Variants in ATP2A1 observed in about 807,000 individuals in gnomAD.
ATP2A1 encodes the protein ATPase sarcoplasmic/endoplasmic reticulum Ca2+ transporting 1, also known as sarcoplasmic/endoplasmic reticulum calcium ATPase 1.
ATP2A1 carries 83 observed loss-of-function variants against 109.5 expected under a neutral mutation model. That is an observed-to-expected ratio of 0.76 (90% CI 0.63 to 0.91). ATP2A1 has a LOEUF of 0.91. ATP2A1 is among the 40% of genes least tolerant of loss of function. The pLI, the probability that ATP2A1 is intolerant of heterozygous loss-of-function variation, is 0.00. For synonymous variants in ATP2A1, 505 were observed against 537.6 expected, an observed-to-expected ratio of 0.94 and a Z score of 0.84; for missense variants, 1,101 against 1,341.0, an observed-to-expected ratio of 0.82 and a Z score of 2.80.
At chr16:28,881,905 T>G (rs1596663578) in intron 4 of ATP2A1, among the ~76,000 whole-genome samples, 2 of 152,146 alleles carry the variant, frequency 1.3e-5, no homozygotes, top group South Asian at 4.2e-4. Context: ...GGACAGCATC[T>G]GCAGGGCAGC....
At chr16:28,890,287 T>C in intron 9 of ATP2A1, among the ~76,000 whole-genome samples, 1 of 130,792 alleles carries the variant, frequency 7.6e-6, no homozygotes, top group African/African-American at 3.0e-5. Flanking sequence ...AGAGTCCGTC[T>C]CTACCAAAAA....
Position 28,894,508 on chromosome 16 carries a change from G to A in ATP2A1, c.1188G>A (p.Leu396=). 6.2e-7 allele frequency: 1 copy of A among 1,613,816 alleles called. No homozygotes were observed. Among genetic ancestry groups the A allele is most frequent in the Non-Finnish European group, 8.5e-7 (1 of 1,179,962 alleles). ...CCTCCCCTGACCCTGCTGCCAGCTT[G>A]AAGAATGATAAGCCAGTCCGGCCAG... ...GSTYAPEGEV[L]KNDKPVRPGQ... Residue 396 remains leucine, a synonymous_variant, in exon 11 of 23, where the codon TTG becomes TTA. Coordinates refer to ENST00000395503, the MANE Select transcript of ATP2A1 (RefSeq NM_004320.6).
At position 28,898,164 on chromosome 16, in the gene ATP2A1, T is replaced by C. The variant is rs1963969878; in HGVS notation, c.1545+39T>C. ...ATGTGCCTCAGCCCCCTCTTCTTCC[T>C]ACTCCTAGCCACCTGTCACTGCCCT... On this transcript the variant is annotated intron_variant, in intron 13 of 22. Transcript: ENST00000395503. This position sits in a 1 kb window ranked among gnomAD's most constrained non-coding sequence, Gnocchi z 4.0. 2 of 1,614,064 alleles carry C rather than the reference T, an allele frequency of 1.2e-6. No homozygotes were observed. Among genetic ancestry groups the C allele is most frequent in the Admixed American group, 3.3e-5 (2 of 59,992 alleles).
chr16:28,880,171 C>CA lies in ATP2A1; in HGVS notation c.219+589dup. On this transcript the variant is annotated intron_variant, in intron 3 of 22. Transcript: ENST00000395503. This position sits in a 1 kb window ranked among gnomAD's most constrained non-coding sequence, Gnocchi z 4.2. ...CTTCCCCGCGCTCCCTAGGCACCCC[C>CA]ACCCCCGCAGGGCATCTCCAGGGCT... 1 of 984,016 alleles carries CA rather than the reference C, an allele frequency of 1.0e-6. No individual in the cohort carries two copies. The highest frequency in any genetic ancestry group is 1.1e-4 in the East Asian group (1 of 8,860). The allele number at this position is 984,016 out of a possible 1,614,324, so 61.0% of individuals were successfully genotyped here.
chr16:28,878,962 A>G, intron 1 of ATP2A1, 137 bp from the exon 2 acceptor site: 1 of 1,377,616 alleles, frequency 7.3e-7, no homozygotes, highest in African/African-American at 1.4e-5. Flanking sequence ...CGAGATCCAG[A>G]GTTTTGGGAG....
intron 12 of ATP2A1, 134 bp from the exon 13 acceptor site, chr16:28,897,866 G>A (rs936887649): frequency 1.2e-5 from 14 of 1,203,964 alleles, no homozygotes; most frequent in Non-Finnish European, 1.3e-5. Flanking sequence ...CACTAGCCTT[G>A]GGATTTTCTC....
Position 28,900,298 on chromosome 16 carries a change from TA to T in ATP2A1, c.1765-282del, listed in dbSNP as rs761930088. Among the ~76,000 whole-genome samples, 15 of 149,956 alleles carry T rather than the reference TA, an allele frequency of 1.0e-4. 1 individual carries two copies. In the East Asian group the frequency reaches 2.5e-3, roughly 25 times the overall value. ...CACTCCAGCCTGGGTGACAGAGCAA[TA>T]CCCTGTCTCAAAAAAAAAAAGATAC... On this transcript the variant is annotated intron_variant, in intron 14 of 22. Coordinates refer to ENST00000395503, the MANE Select transcript of ATP2A1 (RefSeq NM_004320.6).
chr16:28,901,808 T>A, intron 15 of ATP2A1, 55 bp from the exon 16 acceptor site: 1 of 1,485,696 alleles, frequency 6.7e-7, no homozygotes, highest in East Asian at 2.4e-5. Flanking sequence ...AAACCTTTTT[T>A]AAAAAGGAGG....
Position 28,888,908 on chromosome 16 carries a change from C to A in ATP2A1, c.1050C>A (p.Ser350=). The A allele has an allele frequency of 6.2e-7, 1 of 1,614,142 alleles. No homozygotes were observed. The highest frequency in any genetic ancestry group is 8.5e-7 in the Non-Finnish European group (1 of 1,180,022). Residue 350 remains serine, a synonymous_variant, in exon 9 of 23, where the codon TCC becomes TCA. Coordinates refer to ENST00000395503, the MANE Select transcript of ATP2A1 (RefSeq NM_004320.6). The part of the protein sequence containing the change: ...ETLGCTSVIC[S]DKTGTLTTNQ... ...TGGGCTGCACCTCTGTCATCTGTTC[C>A]GACAAGACAGGCACCCTCACCACCA... is the stretch of plus-strand genomic sequence containing the variant.
In ATP2A1 at chr16:28,902,380, A is replaced by G. The variant is rs750155383; in HGVS notation, c.2518A>G (p.Ile840Val). 16 of 1,613,790 alleles carry G rather than the reference A, an allele frequency of 9.9e-6. No individual in the cohort carries two copies. The Admixed American group carries it at 1.2e-4, about 12-fold the overall frequency. The change falls in exon 17 of 23, where the codon ATC (isoleucine) becomes GTC (valine). Residue 840 changes from isoleucine (I) to valine (V), a missense_variant. Physicochemically the swap from Ile to Val is conservative, Grantham distance 29 (BLOSUM62 3). Transcript: ENST00000395503. The surrounding 1 kb of genome is among the most constrained non-coding windows in gnomAD (Gnocchi z 4.8). ...CTGGCTCTTCTTCCGCTACATGGCA[A>G]TCGGGGGTGAGCTGGAGGGGTTCCT... Reference protein sequence around the residue: ...SGWLFFRYMAIGGYVGAATVG... With the variant: ...SGWLFFRYMAVGGYVGAATVG...
rs767250851 is a variant in ATP2A1 at position 28,898,061 on chromosome 16, T to C, written c.1481T>C (p.Met494Thr). The change falls in exon 13 of 23, where the codon ATG becomes ACG. Residue 494 changes from methionine to threonine, a missense_variant. Met to Thr is a moderately conservative substitution (Grantham distance 81). Transcript: ENST00000395503. The surrounding 1 kb of genome is among the most constrained non-coding windows in gnomAD (Gnocchi z 4.0). ...GAGTTCTCCCGAGACAGAAAGTCCATGTCTGTCTATTGCTCCCCAGCCAAA... is the reference window on the plus strand; with the variant it reads ...GAGTTCTCCCGAGACAGAAAGTCCACGTCTGTCTATTGCTCCCCAGCCAAA... ...TLEFSRDRKS[M>T]SVYCSPAKSS... 22 of 1,614,128 alleles carry C rather than the reference T, an allele frequency of 1.4e-5. No individual in the cohort carries two copies. The highest frequency in any genetic ancestry group is 1.8e-5 in the Non-Finnish European group (21 of 1,179,998).
intron 9 of ATP2A1, chr16:28,892,374 A>G (rs929485914): frequency 5.1e-6 from 2 of 394,220 alleles, no homozygotes; most frequent in Non-Finnish European, 1.0e-5. Context: ...GTGGAAGACT[A>G]CACCCATGAA....
In ATP2A1 at chr16:28,898,103, T is replaced by A. The variant is rs747544959; in HGVS notation, c.1523T>A (p.Val508Glu). 2.5e-6 allele frequency: 4 copies of A among 1,614,158 alleles called. No homozygotes were observed. The East Asian group carries it at 8.9e-5, about 36-fold the overall frequency. ...CSPAKSSRAA[V>E]GNKMFVKGAP... ...CCAGCCAAATCTTCCCGGGCTGCTGTGGGCAACAAGATGTTTGTCAAGGTC... is the reference window on the plus strand; with the variant it reads ...CCAGCCAAATCTTCCCGGGCTGCTGAGGGCAACAAGATGTTTGTCAAGGTC... The change falls in exon 13 of 23, where the codon GTG becomes GAG. Residue 508 changes from valine to glutamate, a missense_variant. Val to Glu is a moderately radical substitution (Grantham distance 121). Transcript: ENST00000395503. The surrounding 1 kb of genome is among the most constrained non-coding windows in gnomAD (Gnocchi z 4.0).
chr16:28,884,185 C>G (rs1271683299), intron 5 of ATP2A1, among the ~76,000 whole-genome samples: 1 of 152,158 alleles, frequency 6.6e-6, no homozygotes, highest in African/African-American at 2.4e-5. Context: ...TCAATTATAG[C>G]TTCTTGTCCT....
Position 28,894,605 on chromosome 16 carries a change from G to A in ATP2A1, c.1285G>A (p.Glu429Lys), listed in dbSNP as rs762220295. Residue 429 changes from glutamate (E) to lysine (K), a missense_variant and splice_region_variant, in exon 11 of 23, where the codon GAG becomes AAG. Transcript: ENST00000395503. ...CAATGACTCCTCCTTGGACTTCAACGAGGTAACCTCTCCTTCCCCTTCCAG... is the reference window on the plus strand; with the variant it reads ...CAATGACTCCTCCTTGGACTTCAACAAGGTAACCTCTCCTTCCCCTTCCAG... Reference protein sequence around the residue: ...LCNDSSLDFNEAKGVYEKVGE... With the variant: ...LCNDSSLDFNKAKGVYEKVGE... 28 of 1,614,000 alleles carry A rather than the reference G, an allele frequency of 1.7e-5. No homozygotes were observed. The highest frequency in any genetic ancestry group is 1.6e-4 in the Middle Eastern group (1 of 6,062).
Position 28,904,425 on chromosome 16 carries a change from C to G in ATP2A1, c.*283C>G. Reference sequence around the variant, plus strand: ...TGCAGGGACAAGGCGACCGACTGCGCTGAGCTGCTTATTTATTGAAAATAA... The same window carrying G: ...TGCAGGGACAAGGCGACCGACTGCGGTGAGCTGCTTATTTATTGAAAATAA... On this transcript the variant is annotated 3_prime_UTR_variant, in exon 23 of 23. Coordinates refer to ENST00000395503, the MANE Select transcript of ATP2A1 (RefSeq NM_004320.6). The G allele has an allele frequency of 6.5e-7, 1 of 1,532,880 alleles. No homozygotes were observed. The highest frequency in any genetic ancestry group is 8.7e-7 in the Non-Finnish European group (1 of 1,145,074). The allele number at this position is 1,532,880 out of a possible 1,614,324, so 95.0% of individuals were successfully genotyped here. A position where few individuals can be genotyped will look rare whatever the true frequency, so the allele number is the denominator to read the frequency against.
rs540093642 is a variant in ATP2A1, at chr16:28,883,036, C to G, written c.463+447C>G. 6.6e-6 allele frequency among the ~76,000 whole-genome samples: 1 copy of G among 152,136 alleles called. No homozygotes were observed. The highest frequency in any genetic ancestry group is 2.4e-5 in the African/African-American group (1 of 41,420). On this transcript the variant is annotated intron_variant, in intron 5 of 22. Coordinates refer to ENST00000395503, the MANE Select transcript of ATP2A1 (RefSeq NM_004320.6). The surrounding 1 kb of genome is among the most constrained non-coding windows in gnomAD (Gnocchi z 5.2). ...GAAGGGAGGAGGGAGGCCGAAGGCTCGAGCCCCCGACCATGTAAGGGAAAC... is the reference window on the plus strand; with the variant it reads ...GAAGGGAGGAGGGAGGCCGAAGGCTGGAGCCCCCGACCATGTAAGGGAAAC...
intron 9 of ATP2A1, 103 bp from the exon 10 acceptor site, chr16:28,894,052 G>A (rs1159263002): frequency 8.6e-6 from 8 of 932,678 alleles, no homozygotes; most frequent in Non-Finnish European, 1.4e-5. Context: ...GGAGGGAAAT[G>A]GTGGGAAGGT....
chr16:28,894,186 T>C lies in ATP2A1; in HGVS notation c.1127T>C (p.Ile376Thr). The change falls in exon 10 of 23, where the codon ATC (isoleucine) becomes ACC (threonine). Residue 376 changes from isoleucine (I) to threonine (T), a missense_variant. Ile to Thr is a moderately conservative substitution (Grantham distance 89, BLOSUM62 -1). Transcript: ENST00000395503. ...MFIIDKVDGD[I>T]CLLNEFSITG... is the part of the protein sequence containing the mutation. ...ATCATTGACAAGGTGGATGGGGACATCTGCCTCCTGAATGAGTTCTCCATC... is the reference window on the plus strand; with the variant it reads ...ATCATTGACAAGGTGGATGGGGACACCTGCCTCCTGAATGAGTTCTCCATC... 1 of 1,614,048 alleles carries C rather than the reference T, an allele frequency of 6.2e-7. No homozygotes were observed.
Sources: gnomAD v4.1 joint callset for allele counts (sites outside exome capture counted in the v4.1 genomes callset) on GRCh38, gnomAD v4.1.1 for gene constraint, Gnocchi (gnomAD v3.1) non-coding constraint, MANE v1.5 for transcripts, NCBI Gene and HGNC (gene_info 2026-07-23, HGNC 2026-07-21) for gene names.